Variants in PNPLA4 observed in about 807,000 individuals in gnomAD.
PNPLA4 encodes the protein patatin like domain 4, phospholipase and triacylglycerol lipase, also known as patatin-like phospholipase domain-containing protein 4.
PNPLA4 carries 15 observed loss-of-function variants against 18.3 expected under a neutral mutation model. The ratio of observed to expected loss-of-function variants is 0.82; its 90% CI spans 0.55 to 1.26. The LOEUF is 1.26. Among genes scored for constraint, PNPLA4 ranks in the 50% most tolerant of loss-of-function variants. PNPLA4 has a pLI of 0.00. For synonymous variants in PNPLA4, 88 were observed against 85.6 expected (o/e 1.03, Z -0.16); for missense variants, 229 against 196.8 (o/e 1.16, Z -0.98).
intron 5 of PNPLA4, 67 bp from the exon 6 acceptor site, chrX:7,902,208 C>T (rs1923563689): frequency 9.9e-7 from 1 of 1,005,707 alleles, no homozygotes; most frequent in African/African-American, 1.9e-5. Context: ...AAAGCAGCTT[C>T]TAATAATATG....
intron 5 of PNPLA4, among the ~76,000 whole-genome samples, chrX:7,903,896 T>C (rs1186217370): frequency 9.0e-6 from 1 of 111,563 alleles, no homozygotes; most frequent in Non-Finnish European, 1.9e-5. Context: ...TGTGTATGTG[T>C]ATATGCATGT....
Position 7,899,196 on chromosome X carries a change from A to G in PNPLA4, c.*1490T>C, listed in dbSNP as rs186217638. The G allele has an allele frequency of 8.9e-6, 1 of 111,847 alleles. No individual in the cohort carries two copies. Among genetic ancestry groups the G allele is most frequent in the African/African-American group, 3.2e-5 (1 of 30,809 alleles). 9.2% of individuals were successfully genotyped at this position (111,847 alleles called of 1,213,427 possible). On this transcript the variant is annotated 3_prime_UTR_variant, in exon 7 of 7. Coordinates refer to ENST00000381042, the MANE Select transcript of PNPLA4 (RefSeq NM_004650.3). Reference sequence around the variant, plus strand: ...GGCCATCGTTGGTGTTTATGTGCTAAAAGTTGTGTATTTTGGCTTCTGAGA... The same window carrying G: ...GGCCATCGTTGGTGTTTATGTGCTAGAAGTTGTGTATTTTGGCTTCTGAGA...
chrX:7,909,878 T>C (rs1456030105), intron 5 of PNPLA4, among the ~76,000 whole-genome samples: 6 of 111,734 alleles, frequency 5.4e-5, no homozygotes, highest in African/African-American at 2.0e-4. Context: ...AGCTGGGATG[T>C]ATAACCTAGC....
chrX:7,914,739 G>T (rs1375041600), intron 4 of PNPLA4, among the ~76,000 whole-genome samples: 3 of 107,392 alleles, frequency 2.8e-5, no homozygotes, highest in African/African-American at 1.0e-4. Context: ...TTAGAATTAT[G>T]TTTTTTTTTT....
intron 6 of PNPLA4, 90 bp downstream of exon 6, chrX:7,901,899 G>C: frequency 2.2e-6 from 2 of 914,512 alleles, no homozygotes; most frequent in Non-Finnish European, 3.1e-6. Context: ...AATTATCAAT[G>C]AACTTCCAGT....
chrX:7,923,328 G>A (rs1167999261), intron 2 of PNPLA4, among the ~76,000 whole-genome samples: 1 of 111,724 alleles, frequency 9.0e-6, no homozygotes, highest in Non-Finnish European at 1.9e-5. Flanking sequence ...CTGTGCTTAT[G>A]GCTTTAGAAA....
intron 5 of PNPLA4, among the ~76,000 whole-genome samples, chrX:7,902,937 T>C (rs1156516838): frequency 8.9e-6 from 1 of 111,933 alleles, no homozygotes; most frequent in African/African-American, 3.3e-5. Context: ...TCTGATGTAT[T>C]CACATGATCA....
Position 7,899,405 on chromosome X carries a change from A to C in PNPLA4, c.*1281T>G, listed in dbSNP as rs1358124583. The C allele has an allele frequency of 9.0e-6, 1 of 110,636 alleles. No homozygotes were observed. The highest frequency in any genetic ancestry group is 1.9e-5 in the Non-Finnish European group (1 of 53,022). 9.1% of individuals were successfully genotyped at this position (110,636 alleles called of 1,213,427 possible). A position where few individuals can be genotyped will look rare whatever the true frequency, so the allele number is the denominator to read the frequency against. ...AGTGTCAGTAAATTGGTACAAGCCC[A>C]TACACAAGTCCTCAAAGTGATGGAC... On this transcript the variant is annotated 3_prime_UTR_variant, in exon 7 of 7. Transcript: ENST00000381042.
In PNPLA4 at chrX:7,898,636, C is replaced by G. The variant is rs1923412867; in HGVS notation, c.*2050G>C. On this transcript the variant is annotated 3_prime_UTR_variant, in exon 7 of 7. Coordinates refer to ENST00000381042, the MANE Select transcript of PNPLA4 (RefSeq NM_004650.3). ...CCTCATGTAGGAAAGTTGCTGCAGA[C>G]TGATACGTCAATGATCTTACAGTAT... 8.9e-6 allele frequency: 1 copy of G among 111,839 alleles called. No homozygotes were observed. Among genetic ancestry groups the G allele is most frequent in the Non-Finnish European group, 1.9e-5 (1 of 53,215 alleles). The allele number at this position is 111,839 out of a possible 1,213,427, so 9.2% of individuals were successfully genotyped here.
rs1218381420 is a variant in PNPLA4 at position 7,927,402 on chromosome X, G to GC, written c.-131dup. On this transcript the variant is annotated 5_prime_UTR_variant, in exon 1 of 7. Coordinates refer to ENST00000381042, the MANE Select transcript of PNPLA4 (RefSeq NM_004650.3). The stretch of plus-strand genomic sequence containing the variant: ...GCCGCGCTACGCTCTCCGCGAGCCG[G>GC]CCCAGGAAAGTCCTGCGGCAGGGGT... The GC allele has an allele frequency of 8.8e-6, 1 of 113,432 alleles. No individual in the cohort carries two copies. The highest frequency in any genetic ancestry group is 1.9e-5 in the Non-Finnish European group (1 of 53,365). 9.3% of individuals were successfully genotyped at this position (113,432 alleles called of 1,213,427 possible). A position where few individuals can be genotyped will look rare whatever the true frequency, so the allele number is the denominator to read the frequency against.
chrX:7,922,229 C>T, intron 2 of PNPLA4, 131 bp from the exon 3 acceptor site: 1 of 503,395 alleles, frequency 2.0e-6, no homozygotes, highest in Non-Finnish European at 3.5e-6. Flanking sequence ...TGCAAATTCC[C>T]CACCTGGCCG....
intron 2 of PNPLA4, among the ~76,000 whole-genome samples, chrX:7,922,908 A>C (rs1246757687): frequency 8.9e-6 from 1 of 112,314 alleles, no homozygotes. Context: ...GAGAGTCATA[A>C]GTGCCTCCAA....
chrX:7,901,355 G>A (rs1923525332), intron 6 of PNPLA4, among the ~76,000 whole-genome samples: 1 of 111,891 alleles, frequency 8.9e-6, no homozygotes, highest in Non-Finnish European at 1.9e-5. Context: ...GCCGAGGCAG[G>A]TGGATCACTT....
rs943962900 is a variant in PNPLA4, at chrX:7,899,108, A to C, written c.*1578T>G. 11 of 106,684 alleles carry C rather than the reference A, an allele frequency of 1.0e-4. No individual in the cohort carries two copies. Among genetic ancestry groups the C allele is most frequent in the African/African-American group, 4.2e-4 (11 of 25,934 alleles). The allele number at this position is 106,684 out of a possible 1,213,427, so 8.8% of individuals were successfully genotyped here. A position where few individuals can be genotyped will look rare whatever the true frequency, so the allele number is the denominator to read the frequency against. The stretch of plus-strand genomic sequence containing the variant: ...ACTACATGTTTGCTAGAGTAGGAGA[A>C]AGTATATACCACAGGGACCATCATT... On this transcript the variant is annotated 3_prime_UTR_variant, in exon 7 of 7. Transcript: ENST00000381042.
chrX:7,922,179 GA>G lies in PNPLA4; in HGVS notation c.181-82del, dbSNP rs1297536944. On this transcript the variant is annotated intron_variant, in intron 2 of 6. Coordinates refer to ENST00000381042, the MANE Select transcript of PNPLA4 (RefSeq NM_004650.3). ...CACTTCTAAAACTTGGGATTCTATAGACCCAACAGCAAATGTAGGGTGTCAT... is the reference window on the plus strand; with the variant it reads ...CACTTCTAAAACTTGGGATTCTATAGCCCAACAGCAAATGTAGGGTGTCAT... 5.3e-5 allele frequency: 36 copies of G among 682,144 alleles called. No homozygotes were observed. In the African/African-American group the frequency reaches 6.5e-4, roughly 12 times the overall value. 56.2% of individuals were successfully genotyped at this position (682,144 alleles called of 1,213,427 possible). A position where few individuals can be genotyped will look rare whatever the true frequency, so the allele number is the denominator to read the frequency against.
rs1321999251 is a variant in PNPLA4 at position 7,899,824 on chromosome X, GA to G, written c.*861del. On this transcript the variant is annotated 3_prime_UTR_variant, in exon 7 of 7. Transcript: ENST00000381042. ...CTGGGAGCAACTGCACACACCTGTG[GA>G]AAGCAAACTGTTATGGTTTGGCTGT... The G allele has an allele frequency of 9.0e-6, 1 of 110,982 alleles. No homozygotes were observed. Among genetic ancestry groups the G allele is most frequent in the African/African-American group, 3.3e-5 (1 of 30,458 alleles). 9.1% of individuals were successfully genotyped at this position (110,982 alleles called of 1,213,427 possible). A position where few individuals can be genotyped will look rare whatever the true frequency, so the allele number is the denominator to read the frequency against.
At chrX:7,911,231 G>A (rs1446659069) in intron 5 of PNPLA4, among the ~76,000 whole-genome samples, 1 of 111,920 alleles carries the variant, frequency 8.9e-6, no homozygotes, top group Non-Finnish European at 1.9e-5. Flanking sequence ...CATGTTTCCA[G>A]TATACGTTAA....
intron 4 of PNPLA4, among the ~76,000 whole-genome samples, chrX:7,920,298 G>A (rs1388833557): frequency 9.0e-6 from 1 of 111,487 alleles, no homozygotes; most frequent in Non-Finnish European, 1.9e-5. Flanking sequence ...CCCACCGCAA[G>A]CCTTATCTGT....
intron 2 of PNPLA4, among the ~76,000 whole-genome samples, chrX:7,924,737 G>A (rs1924338946): frequency 8.9e-6 from 1 of 112,163 alleles, no homozygotes; most frequent in African/African-American, 3.2e-5. Flanking sequence ...AGTATAAATG[G>A]CTGTACTAGT....
Sources: allele counts gnomAD v4.1 joint callset (sites outside exome capture counted in the v4.1 genomes callset), GRCh38; gene constraint gnomAD v4.1.1; transcripts MANE v1.5; gene names NCBI Gene and HGNC (gene_info 2026-07-23, HGNC 2026-07-21).